ISL2: variants seen among roughly 807,000 people sequenced by gnomAD.
ISL2 encodes the protein insulin gene enhancer protein ISL-2.
A neutral mutation model predicts 34.6 loss-of-function variants in ISL2; 17 were observed. That is an observed-to-expected ratio of 0.49 (90% CI 0.34 to 0.74). The LOEUF is 0.74. Ranked by LOEUF, ISL2 falls within the 30% of genes least tolerant of loss-of-function variation. ISL2 has a pLI of 0.01. For synonymous variants in ISL2, 232 were observed against 225.5 expected (o/e 1.03, Z -0.26); for missense variants, 469 against 515.2 (o/e 0.91, Z 0.87).
Position 76,338,340 on chromosome 15 carries a change from G to A in ISL2, c.337G>A (p.Glu113Lys). 6.4e-7 allele frequency: 1 copy of A among 1,573,580 alleles called. No homozygotes were observed. ...GGCGCGGGACAGCGTGTACCACATC[G>A]AGTGCTTCCGCTGCTCCGTGTGCAG... The part of the protein sequence containing the change: ...MRARDSVYHI[E>K]CFRCSVCSRQ... Residue 113 changes from glutamate (E) to lysine (K), a missense_variant, in exon 3 of 6, where the codon GAG becomes AAG. By Grantham distance (56) the Glu-to-Lys change is moderately conservative. Around this residue, in one of 3 missense-constraint regions of ISL2, gnomAD observed 297 missense variants for 337.8 expected, o/e 0.88. Coordinates refer to ENST00000290759, the MANE Select transcript of ISL2 (RefSeq NM_145805.3).
At chr15:76,338,165 C>A (rs897229055) in intron 2 of ISL2, 87 bp from the exon 3 acceptor site, 15 of 1,467,776 alleles carry the variant, frequency 1.0e-5, no homozygotes, top group South Asian at 4.0e-5. Context: ...CACAAAGTGT[C>A]CTGGGCGCGC....
In ISL2 at chr15:76,342,122, C is replaced by T. The variant is rs893517086; in HGVS notation, c.*287C>T. 4.1e-5 allele frequency: 11 copies of T among 271,422 alleles called. No homozygotes were observed. The highest frequency in any genetic ancestry group is 7.7e-5 in the South Asian group (1 of 13,042). 16.8% of individuals were successfully genotyped at this position (271,422 alleles called of 1,614,324 possible). A position where few individuals can be genotyped will look rare whatever the true frequency, so the allele number is the denominator to read the frequency against. On this transcript the variant is annotated 3_prime_UTR_variant, in exon 6 of 6. Transcript: ENST00000290759. ...TCTCCTCTCCTCTCTACGTGGCCGC[C>T]GCTCTGTCTCTCCACGCCCCACCTG...
intron 2 of ISL2, 75 bp downstream of exon 2, chr15:76,338,042 C>G: frequency 2.3e-6 from 3 of 1,324,046 alleles, no homozygotes; most frequent in Non-Finnish European, 2.9e-6. Context: ...GCGGCCTGCC[C>G]GCGCGCCCCG....
At position 76,340,364 on chromosome 15, in the gene ISL2, G is replaced by A. The variant is rs367845589; in HGVS notation, c.600G>A (p.Glu200=). 3.7e-6 allele frequency: 6 copies of A among 1,613,432 alleles called. No individual in the cohort carries two copies. The African/African-American group carries it at 4.0e-5, about 11-fold the overall frequency. Reference sequence around the variant, plus strand: ...CCCGCGTGCGGACTGTGCTGAACGAGAAGCAGCTGCACACTCTGCGGACCT... The same window carrying A: ...CCCGCGTGCGGACTGTGCTGAACGAAAAGCAGCTGCACACTCTGCGGACCT... ...KTTRVRTVLN[E]KQLHTLRTCY... The change falls in exon 4 of 6, where the codon GAG becomes GAA. Residue 200 remains glutamate, a synonymous_variant. Transcript: ENST00000290759.
intron 1 of ISL2, chr15:76,337,399 G>A (rs2040158807): frequency 3.1e-6 from 1 of 318,974 alleles, no homozygotes; most frequent in African/African-American, 2.2e-5. Context: ...CTGTGAGTGG[G>A]AGTGTGTGAG....
chr15:76,340,299 G>A lies in ISL2; in HGVS notation c.535G>A (p.Ala179Thr), dbSNP rs756779917. The change falls in exon 4 of 6, where the codon GCG becomes ACG. Residue 179 changes from alanine (A) to threonine (T), a missense_variant. By Grantham distance (58) the Ala-to-Thr change is moderately conservative. Coordinates refer to ENST00000290759, the MANE Select transcript of ISL2 (RefSeq NM_145805.3). ...LPDAGSGRQP[A>T]LRPHVHKQTE... Reference sequence around the variant, plus strand: ...AGACGCTGGGTCGGGCCGGCAGCCCGCGTTGCGCCCGCACGTGCACAAGCA... The same window carrying A: ...AGACGCTGGGTCGGGCCGGCAGCCCACGTTGCGCCCGCACGTGCACAAGCA... 6.2e-7 allele frequency: 1 copy of A among 1,608,040 alleles called. No individual in the cohort carries two copies. Among genetic ancestry groups the A allele is most frequent in the South Asian group, 1.1e-5 (1 of 90,850 alleles).
chr15:76,336,795 G>T lies in ISL2; in HGVS notation c.-89G>T. 8.8e-7 allele frequency: 1 copy of T among 1,131,988 alleles called. No homozygotes were observed. The allele number at this position is 1,131,988 out of a possible 1,614,324, so 70.1% of individuals were successfully genotyped here. ...GCTCCTTCAACTCCGCGGGGCAGTA[G>T]GAGTTAGTTAGCAAAGAGCCGAGGC... is the stretch of plus-strand genomic sequence containing the variant. On this transcript the variant is annotated 5_prime_UTR_variant, in exon 1 of 6. In the 5' UTR this introduces an upstream ATG that the reference lacks. Coordinates refer to ENST00000290759, the MANE Select transcript of ISL2 (RefSeq NM_145805.3).
intron 3 of ISL2, chr15:76,338,719 TG>T: frequency 1.0e-6 from 1 of 985,416 alleles, no homozygotes; most frequent in Non-Finnish European, 1.2e-6. Context: ...TGCGTGTGTA[TG>T]AGTGTGTGAG....
chr15:76,337,451 C>T, intron 1 of ISL2: 1 of 354,522 alleles, frequency 2.8e-6, no homozygotes, highest in Non-Finnish European at 5.1e-6. Context: ...GATATCCAGG[C>T]GTCCGCAGTG....
At position 76,336,807 on chromosome 15, in the gene ISL2, C is replaced by G; in HGVS notation, c.-77C>G. The G allele has an allele frequency of 3.0e-6, 4 of 1,320,948 alleles. No individual in the cohort carries two copies. Among genetic ancestry groups the G allele is most frequent in the Non-Finnish European group, 4.4e-6 (4 of 914,560 alleles). The allele number at this position is 1,320,948 out of a possible 1,614,324, so 81.8% of individuals were successfully genotyped here. A position where few individuals can be genotyped will look rare whatever the true frequency, so the allele number is the denominator to read the frequency against. ...CCGCGGGGCAGTAGGAGTTAGTTAG[C>G]AAAGAGCCGAGGCCGGGCGCGCGAC... On this transcript the variant is annotated 5_prime_UTR_variant, in exon 1 of 6. Coordinates refer to ENST00000290759, the MANE Select transcript of ISL2 (RefSeq NM_145805.3).
chr15:76,339,163 CAG>C, intron 3 of ISL2: 2 of 985,332 alleles, frequency 2.0e-6, no homozygotes, highest in Non-Finnish European at 2.4e-6. Flanking sequence ...TGAACAGAAA[CAG>C]AGGTGCCTCC....
rs148825148 is a variant in ISL2 at position 76,340,530 on chromosome 15, C to A, written c.766C>A (p.Leu256Met). The change falls in exon 4 of 6, where the codon CTG (leucine) becomes ATG (methionine). Residue 256 changes from leucine to methionine, a missense_variant. Coordinates refer to ENST00000290759, the MANE Select transcript of ISL2 (RefSeq NM_145805.3). Reference sequence around the variant, plus strand: ...GAAGAAATCCATTCTCATGAAGCAGCTGCAGCAGCAGCAGCACAGCGACAA... The same window carrying A: ...GAAGAAATCCATTCTCATGAAGCAGATGCAGCAGCAGCAGCACAGCGACAA... ...DKKKSILMKQ[L>M]QQQQHSDKTS... 1.1e-5 allele frequency: 17 copies of A among 1,611,012 alleles called. No individual in the cohort carries two copies. In the African/African-American group the frequency reaches 2.1e-4, roughly 20 times the overall value.
In ISL2 at chr15:76,337,775, C is replaced by T; in HGVS notation, c.59-3C>T. On this transcript the variant is annotated splice_polypyrimidine_tract_variant and splice_region_variant and intron_variant, in intron 1 of 5. Coordinates refer to ENST00000290759, the MANE Select transcript of ISL2 (RefSeq NM_145805.3). ...GACGCGGCCCCGCGCCCTTCCCCGG[C>T]AGAGAAGCCCGGGACGGCCATGTGC... is the stretch of plus-strand genomic sequence containing the variant. The T allele has an allele frequency of 6.3e-7, 1 of 1,582,038 alleles. No homozygotes were observed. Among genetic ancestry groups the T allele is most frequent in the South Asian group, 1.1e-5 (1 of 88,078 alleles).
intron 3 of ISL2, 58 bp downstream of exon 3, chr15:76,338,572 A>G: frequency 7.9e-7 from 1 of 1,272,520 alleles, no homozygotes; most frequent in African/African-American, 1.5e-5. Context: ...GCGTGTGTGT[A>G]GGGGTACGCT....
chr15:76,338,587 T>A, intron 3 of ISL2, 73 bp downstream of exon 3: 6 of 1,261,834 alleles, frequency 4.8e-6, no homozygotes, highest in Non-Finnish European at 6.0e-6. Flanking sequence ...TACGCTTGTG[T>A]CCCTAACGAG....
intron 2 of ISL2, 61 bp downstream of exon 2, chr15:76,338,028 G>T: frequency 7.2e-7 from 1 of 1,383,712 alleles, no homozygotes; most frequent in Non-Finnish European, 9.4e-7. Flanking sequence ...CGGGACTGGG[G>T]ATGGCGGCCT....
intron 5 of ISL2, 62 bp from the exon 6 acceptor site, chr15:76,341,657 C>T: frequency 8.0e-7 from 1 of 1,242,726 alleles, no homozygotes; most frequent in Non-Finnish European, 1.2e-6. Flanking sequence ...GAGCACGCGG[C>T]CCTGGAGCAC....
rs955618864 is a variant in ISL2 at position 76,339,615 on chromosome 15, G to C, written c.512-661G>C. The C allele has an allele frequency of 4.1e-6, 4 of 985,494 alleles. No individual in the cohort carries two copies. In the African/African-American group the frequency reaches 5.2e-5, roughly 13 times the overall value. The allele number at this position is 985,494 out of a possible 1,614,324, so 61.0% of individuals were successfully genotyped here. On this transcript the variant is annotated intron_variant, in intron 3 of 5. Coordinates refer to ENST00000290759, the MANE Select transcript of ISL2 (RefSeq NM_145805.3). ...CCAGCGGCTGCTCAGCACCTTGGTC[G>C]GTGGGAGGCCACTGGGCTGGGGAAC...
chr15:76,339,758 C>T, intron 3 of ISL2: 3 of 991,764 alleles, frequency 3.0e-6, no homozygotes, highest in Non-Finnish European at 3.6e-6. Flanking sequence ...TGTGGCCTGG[C>T]CCTGTCCAAA....
Sources: allele counts gnomAD v4.1 joint callset, GRCh38; gene constraint gnomAD v4.1.1; regional missense constraint gnomAD v4.1.1; transcripts MANE v1.5; gene names NCBI Gene and HGNC (gene_info 2026-07-23, HGNC 2026-07-21).